Variants in PLAC1 observed in about 807,000 individuals in gnomAD.
PLAC1 encodes placenta associated 1.
For synonymous variants in PLAC1, 68 were observed against 62.1 expected, an observed-to-expected ratio of 1.09 and a Z score of -0.44; for missense variants, 136 against 163.2, an observed-to-expected ratio of 0.83 and a Z score of 0.91.
At chrX:134,724,406 C>T (rs1256037148) in intron 2 of PLAC1, among the ~76,000 whole-genome samples, 1 of 112,217 alleles carries the variant, frequency 8.9e-6, no homozygotes, top group South Asian at 3.7e-4. Flanking sequence ...TCAGAATCCT[C>T]TTGCATGAAA....
intron 1 of PLAC1, among the ~76,000 whole-genome samples, chrX:134,621,466 A>G (rs1296336613): frequency 9.3e-6 from 1 of 107,970 alleles, no homozygotes; most frequent in African/African-American, 3.4e-5. Flanking sequence ...AAAAAAAAAA[A>G]AAAAAAAGAA....
intron 1 of PLAC1, among the ~76,000 whole-genome samples, chrX:134,647,692 G>A (rs1309855591): frequency 9.0e-6 from 1 of 111,315 alleles, no homozygotes; most frequent in Non-Finnish European, 1.9e-5. Context: ...ATCCAAGCAT[G>A]TGCTTAGTGT....
At chrX:134,610,443 A>G (rs1279947746) in intron 1 of PLAC1, among the ~76,000 whole-genome samples, 1 of 111,063 alleles carries the variant, frequency 9.0e-6, no homozygotes, top group African/African-American at 3.3e-5. Flanking sequence ...AGCTTCCAGG[A>G]AACTAGATGA....
chrX:134,757,573 A>C (rs1284882873), intron 1 of PLAC1, among the ~76,000 whole-genome samples: 1 of 111,915 alleles, frequency 8.9e-6, no homozygotes, highest in African/African-American at 3.3e-5. Context: ...TGATTGAAAC[A>C]AACAAAAAAA....
chrX:134,604,910 T>C (rs1021871870), intron 1 of PLAC1, among the ~76,000 whole-genome samples: 9 of 111,696 alleles, frequency 8.1e-5, no homozygotes, highest in African/African-American at 2.9e-4. Flanking sequence ...TCGGGAAACA[T>C]TGCTCACAGT....
At chrX:134,699,715 C>T (rs2147826492) in intron 2 of PLAC1, among the ~76,000 whole-genome samples, 1 of 112,380 alleles carries the variant, frequency 8.9e-6, no homozygotes, top group South Asian at 3.7e-4. Flanking sequence ...TCACCTGTTG[C>T]CCTTCTAGAG....
intron 2 of PLAC1, among the ~76,000 whole-genome samples, chrX:134,578,621 G>A (rs1233899184): frequency 3.0e-5 from 3 of 101,304 alleles, no homozygotes; most frequent in African/African-American, 1.1e-4. Context: ...GGGCTCAAGC[G>A]ATCCTCCTGC....
chrX:134,662,090 A>T (rs746410804), upstream of PLAC1, among the ~76,000 whole-genome samples: 29 of 110,776 alleles, frequency 2.6e-4, no homozygotes, highest in African/African-American at 8.2e-4. Flanking sequence ...CATAATTTTT[A>T]AAAAATTAGC....
At chrX:134,750,646 G>A (rs1482361148) in intron 1 of PLAC1, among the ~76,000 whole-genome samples, 2 of 102,128 alleles carry the variant, frequency 2.0e-5, no homozygotes, top group Non-Finnish European at 2.0e-5. Context: ...CTCTTGCCAC[G>A]TGTAGCTATT....
upstream of PLAC1, among the ~76,000 whole-genome samples, chrX:134,659,793 A>G (rs2078408988): frequency 8.9e-6 from 1 of 112,299 alleles, no homozygotes; most frequent in African/African-American, 3.2e-5. Flanking sequence ...CACCAACCTA[A>G]TAACTCATTT....
At chrX:134,679,388 T>C (rs1282453092) in intron 2 of PLAC1, among the ~76,000 whole-genome samples, 1 of 110,684 alleles carries the variant, frequency 9.0e-6, no homozygotes, top group Non-Finnish European at 1.9e-5. Flanking sequence ...CGGGGTTGGA[T>C]GATATCACCA....
rs190186951 is a variant in PLAC1, at chrX:134,618,793, A to G, written c.-130-16671T>C. Among the ~76,000 whole-genome samples the G allele has an allele frequency of 3.9e-3, 437 of 111,694 alleles. 1 individual carries two copies. The highest frequency in any genetic ancestry group is 0.014 in the African/African-American group (423 of 30,709). On this transcript the variant is annotated intron_variant, in intron 1 of 2. Coordinates refer to ENST00000359237, the MANE Select transcript of PLAC1 (RefSeq NM_021796.4). Reference sequence around the variant, plus strand: ...CAGATGAAAACTGAGGCTCAGAGAGATTAAGTGACTTTCCCAAGGTCACAG... The same window carrying G: ...CAGATGAAAACTGAGGCTCAGAGAGGTTAAGTGACTTTCCCAAGGTCACAG...
At chrX:134,579,629 G>C (rs953121174) in intron 2 of PLAC1, among the ~76,000 whole-genome samples, 1 of 111,539 alleles carries the variant, frequency 9.0e-6, no homozygotes, top group African/African-American at 3.3e-5. Flanking sequence ...GTGAGAGACA[G>C]GGACAAATCT....
At chrX:134,586,345 G>C (rs1309258786) in intron 2 of PLAC1, among the ~76,000 whole-genome samples, 1 of 111,732 alleles carries the variant, frequency 8.9e-6, no homozygotes, top group African/African-American at 3.3e-5. Context: ...TTCCCTGTGA[G>C]CAAATACAAG....
At chrX:134,665,918 G>A (rs1392821481) in intron 2 of PLAC1, among the ~76,000 whole-genome samples, 2 of 110,817 alleles carry the variant, frequency 1.8e-5, no homozygotes, top group African/African-American at 6.6e-5. Context: ...ATTGGCTAGG[G>A]GCCACCTCAA....
chrX:134,716,499 G>A (rs2078643707), intron 2 of PLAC1, among the ~76,000 whole-genome samples: 1 of 112,768 alleles, frequency 8.9e-6, no homozygotes, highest in African/African-American at 3.2e-5. Flanking sequence ...CTTTGCCATT[G>A]CCCTTTTGCC....
At chrX:134,726,218 A>C (rs2078673657) in intron 2 of PLAC1, among the ~76,000 whole-genome samples, 1 of 110,991 alleles carries the variant, frequency 9.0e-6, no homozygotes, top group South Asian at 3.8e-4. Flanking sequence ...ATGATGCTTG[A>C]CAAATTTATT....
At chrX:134,710,562 G>A (rs921797032) in intron 2 of PLAC1, among the ~76,000 whole-genome samples, 5 of 111,800 alleles carry the variant, frequency 4.5e-5, no homozygotes, top group Admixed American at 9.5e-5. Context: ...TAAAAATTTG[G>A]AAATAAATAT....
intron 1 of PLAC1, chrX:134,604,707 A>G (rs747563211): frequency 6.3e-5 from 7 of 111,639 alleles, no homozygotes; most frequent in Non-Finnish European, 1.1e-4. Flanking sequence ...TGTTTTGCCA[A>G]CCATTTCCTC....
Sources: gnomAD v4.1 joint callset for allele counts (sites outside exome capture counted in the v4.1 genomes callset) on GRCh38, gnomAD v4.1.1 for gene constraint, MANE v1.5 for transcripts, NCBI Gene and HGNC (gene_info 2026-07-23, HGNC 2026-07-21) for gene names.